Variants in GINM1 observed in about 807,000 individuals in gnomAD.
The protein encoded by GINM1 is glycoprotein integral membrane protein 1.
In GINM1, 29 loss-of-function variants were observed where a neutral mutation model predicts 37.8. The observed-to-expected ratio is 0.77, with a 90% confidence interval of 0.57 to 1.05. The LOEUF is 1.05. Ranked by LOEUF, GINM1 falls within the 50% of genes least tolerant of loss-of-function variation. The pLI is 0.00. For synonymous variants in GINM1, 143 were observed against 146.2 expected (o/e 0.98, Z 0.16); for missense variants, 377 against 397.9 (o/e 0.95, Z 0.45).
chr6:149,579,084 T>G, intron 4 of GINM1, 111 bp downstream of exon 4: 1 of 560,982 alleles, frequency 1.8e-6, no homozygotes, highest in Non-Finnish European at 3.0e-6. Flanking sequence ...GGAAGGTGCC[T>G]AATGTTGCCT....
chr6:149,579,426 C>T (rs1777963914), intron 4 of GINM1, among the ~76,000 whole-genome samples: 1 of 152,216 alleles, frequency 6.6e-6, no homozygotes, highest in Middle Eastern at 3.2e-3. Context: ...CATGGTGGCT[C>T]ACACCTGTAA....
Position 149,591,711 on chromosome 6 carries a change from C to A in GINM1, c.*873C>A. The A allele has an allele frequency of 7.0e-6, 1 of 141,850 alleles. No individual in the cohort carries two copies. The highest frequency in any genetic ancestry group is 2.7e-5 in the African/African-American group (1 of 37,546). The allele number at this position is 141,850 out of a possible 1,614,324, so 8.8% of individuals were successfully genotyped here. A position where few individuals can be genotyped will look rare whatever the true frequency, so the allele number is the denominator to read the frequency against. ...AAAAGTAGTATGACATGTTCTCACT[C>A]TAAAATAAACTTTTTTTTTTTTTTT... On this transcript the variant is annotated 3_prime_UTR_variant, in exon 8 of 8. Coordinates refer to ENST00000367419, the MANE Select transcript of GINM1 (RefSeq NM_138785.5).
In GINM1 at chr6:149,588,953, C is replaced by T. The variant is rs373678797; in HGVS notation, c.882-1774C>T. 1.2e-4 allele frequency among the ~76,000 whole-genome samples: 19 copies of T among 152,098 alleles called. No homozygotes were observed. In the East Asian group the frequency reaches 2.5e-3, roughly 20 times the overall value. Reference sequence around the variant, plus strand: ...TGAATAGCTTGAGATTACAGGCGCCCGCCACCATGCCTGGCCAATTTTTGT... The same window carrying T: ...TGAATAGCTTGAGATTACAGGCGCCTGCCACCATGCCTGGCCAATTTTTGT... On this transcript the variant is annotated intron_variant, in intron 7 of 7. Transcript: ENST00000367419.
At chr6:149,574,329 GGC>G (rs1179338571) in intron 3 of GINM1, among the ~76,000 whole-genome samples, 77 of 150,490 alleles carry the variant, frequency 5.1e-4, no homozygotes, top group East Asian at 4.9e-3. Flanking sequence ...TGGGATTACA[GGC>G]GTGAGCCACC....
intron 7 of GINM1, among the ~76,000 whole-genome samples, chr6:149,588,391 A>G (rs1778104846): frequency 1.3e-5 from 2 of 152,166 alleles, no homozygotes; most frequent in South Asian, 2.1e-4. Context: ...TTTTGTAACT[A>G]TTAGTATATA....
chr6:149,577,786 T>A (rs1362579612), intron 3 of GINM1, among the ~76,000 whole-genome samples: 1 of 152,174 alleles, frequency 6.6e-6, no homozygotes, highest in Non-Finnish European at 1.5e-5. Context: ...AATAAAATGC[T>A]CCATCTGTGA....
chr6:149,568,041 A>T (rs193196755), intron 1 of GINM1, among the ~76,000 whole-genome samples: 6 of 152,232 alleles, frequency 3.9e-5, no homozygotes, highest in Admixed American at 3.3e-4. Flanking sequence ...GCTCTTAGTG[A>T]TGATTTTACT....
At chr6:149,579,458 A>C (rs374879114) in intron 4 of GINM1, among the ~76,000 whole-genome samples, 9 of 152,378 alleles carry the variant, frequency 5.9e-5, no homozygotes, top group African/African-American at 1.7e-4. Context: ...TGGGAGGCCA[A>C]GGTGGACGAA....
At position 149,566,648 on chromosome 6, in the gene GINM1, G is replaced by C. The variant is rs1777722831; in HGVS notation, c.120+114G>C. On this transcript the variant is annotated intron_variant, in intron 1 of 7. Transcript: ENST00000367419. The surrounding 1 kb of genome is among the most constrained non-coding windows in gnomAD (Gnocchi z 4.4). ...CCGGCGGGCAGGGGCGGGGGTCCGG[G>C]CCCCCGAAGGAGGTGTGGGGAGAAG... is the stretch of plus-strand genomic sequence containing the variant. The C allele has an allele frequency of 6.8e-6, 9 of 1,321,120 alleles. No individual in the cohort carries two copies. Among genetic ancestry groups the C allele is most frequent in the Non-Finnish European group, 8.8e-6 (9 of 1,018,562 alleles). 81.8% of individuals were successfully genotyped at this position (1,321,120 alleles called of 1,614,324 possible). A position where few individuals can be genotyped will look rare whatever the true frequency, so the allele number is the denominator to read the frequency against.
intron 3 of GINM1, among the ~76,000 whole-genome samples, chr6:149,574,174 C>T (rs563866472): frequency 1.4e-4 from 22 of 151,858 alleles, no homozygotes; most frequent in African/African-American, 4.8e-4. Flanking sequence ...CCTCAGCCTC[C>T]CGAGTAGCTT....
chr6:149,578,181 T>A (rs1777942347), intron 3 of GINM1: 1 of 152,252 alleles, frequency 6.6e-6, no homozygotes, highest in African/African-American at 2.4e-5. Context: ...TCTGGCTGGC[T>A]TTATAGTTGT....
intron 3 of GINM1, among the ~76,000 whole-genome samples, chr6:149,575,337 GC>G (rs1777898093): frequency 6.6e-6 from 1 of 152,178 alleles, no homozygotes; most frequent in Non-Finnish European, 1.5e-5. Flanking sequence ...ACATCTCTTT[GC>G]CTTCATTTTA....
Position 149,579,465 on chromosome 6 carries a change from C to T in GINM1, c.430-369C>T, listed in dbSNP as rs529280903. ...CAGCACTTTGGGAGGCCAAGGTGGA[C>T]GAATCACCTGAGGTCAGGAGTTCTA... is the stretch of plus-strand genomic sequence containing the variant. On this transcript the variant is annotated intron_variant, in intron 4 of 7. Coordinates refer to ENST00000367419, the MANE Select transcript of GINM1 (RefSeq NM_138785.5). 5.0e-3 allele frequency among the ~76,000 whole-genome samples: 768 copies of T among 152,088 alleles called. 6 individuals are homozygous for T. Among genetic ancestry groups the T allele is most frequent in the Middle Eastern group, 0.01 (3 of 292 alleles).
intron 1 of GINM1, among the ~76,000 whole-genome samples, chr6:149,569,650 T>C (rs1777779512): frequency 6.6e-6 from 1 of 152,118 alleles, no homozygotes; most frequent in Admixed American, 6.6e-5. Context: ...AAAATAAAAG[T>C]CTTTATAGTA....
intron 3 of GINM1, among the ~76,000 whole-genome samples, chr6:149,577,006 A>G (rs1777924093): frequency 6.6e-6 from 1 of 152,180 alleles, no homozygotes; most frequent in South Asian, 2.1e-4. Flanking sequence ...CCAGTATCTC[A>G]CATGGCAGAG....
In GINM1 at chr6:149,570,136, TTATATATATA is replaced by T. The variant is rs549791771; in HGVS notation, c.121-2096_121-2087del. On this transcript the variant is annotated intron_variant, in intron 1 of 7. Transcript: ENST00000367419. ...ACTCTGTAATTTTACTAGGTAGGTT[TTATATATATA>T]TATATATATATATATATATATATAT... is the stretch of plus-strand genomic sequence containing the variant. Among the ~76,000 whole-genome samples, 301 of 45,616 alleles carry T rather than the reference TTATATATATA, an allele frequency of 6.6e-3. 4 individuals carry two copies. Among genetic ancestry groups the T allele is most frequent in the Non-Finnish European group, 9.4e-3 (211 of 22,472 alleles). 29.9% of individuals were successfully genotyped at this position (45,616 alleles called of 152,430 possible). A position where few individuals can be genotyped will look rare whatever the true frequency, so the allele number is the denominator to read the frequency against.
chr6:149,580,045 A>G, intron 5 of GINM1, 55 bp downstream of exon 5: 1 of 1,113,088 alleles, frequency 9.0e-7, no homozygotes, highest in Non-Finnish European at 1.3e-6. Context: ...TTTAGTTGGT[A>G]GCTTTATATA....
intron 6 of GINM1, among the ~76,000 whole-genome samples, chr6:149,581,527 A>T (rs1312218940): frequency 6.6e-6 from 1 of 152,008 alleles, no homozygotes; most frequent in Non-Finnish European, 1.5e-5. Flanking sequence ...CAGTTTCTTT[A>T]TCTGTACAAT....
intron 3 of GINM1, among the ~76,000 whole-genome samples, chr6:149,575,561 AT>A (rs879495749): frequency 1.3e-5 from 2 of 152,140 alleles, no homozygotes; most frequent in African/African-American, 2.4e-5. Flanking sequence ...CACATAGGAT[AT>A]TGTACTCACC....
Sources: allele counts gnomAD v4.1 joint callset (sites outside exome capture counted in the v4.1 genomes callset), GRCh38; gene constraint gnomAD v4.1.1; non-coding constraint Gnocchi (gnomAD v3.1); transcripts MANE v1.5; gene names NCBI Gene and HGNC (gene_info 2026-07-23, HGNC 2026-07-21).